The following SMOC2 variants were observed in gnomAD, a reference collection of about 807,000 sequenced individuals.
SMOC2 encodes SPARC related modular calcium binding 2.
Under a neutral mutation model 61.4 loss-of-function variants are expected in SMOC2, and 39 were observed. That is an observed-to-expected ratio of 0.64 (90% CI 0.49 to 0.83). The LOEUF is 0.83. Among genes scored for constraint, SMOC2 ranks in the 40% least tolerant of loss-of-function variants. The pLI is 0.00. For synonymous variants in SMOC2, 247 were observed against 239.9 expected (o/e 1.03, Z -0.27); for missense variants, 556 against 592.9 (o/e 0.94, Z 0.65).
At chr6:168,552,040 G>A (rs1435919111) in intron 7 of SMOC2, among the ~76,000 whole-genome samples, 7 of 152,292 alleles carry the variant, frequency 4.6e-5, no homozygotes, top group East Asian at 3.9e-4. Flanking sequence ...AGTGGAGCAC[G>A]AAAAGATGGC....
Position 168,527,741 on chromosome 6 carries a change from G to T in SMOC2, c.463+14G>T, listed in dbSNP as rs2115076654. 1.3e-6 allele frequency: 2 copies of T among 1,523,596 alleles called. No homozygotes were observed. The highest frequency in any genetic ancestry group is 1.8e-6 in the Non-Finnish European group (2 of 1,122,122). 94.4% of individuals were successfully genotyped at this position (1,523,596 alleles called of 1,614,324 possible). A position where few individuals can be genotyped will look rare whatever the true frequency, so the allele number is the denominator to read the frequency against. On this transcript the variant is annotated intron_variant, in intron 4 of 12. Coordinates refer to ENST00000356284, the MANE Select transcript of SMOC2 (RefSeq NM_001166412.2). ...CCCGGTGCCCGGGTAGGTCTGACGT[G>T]CCTTTCCAAGTGGAAGGCTTGAAGG... is the stretch of plus-strand genomic sequence containing the variant.
At chr6:168,507,587 C>T (rs1782904167) in intron 1 of SMOC2, among the ~76,000 whole-genome samples, 1 of 152,346 alleles carries the variant, frequency 6.6e-6, no homozygotes, top group East Asian at 1.9e-4. Flanking sequence ...GAGCTGCCTG[C>T]CCCCGGGGCG....
At chr6:168,507,538 C>T (rs1401727896) in intron 1 of SMOC2, among the ~76,000 whole-genome samples, 2 of 152,230 alleles carry the variant, frequency 1.3e-5, no homozygotes, top group Non-Finnish European at 2.9e-5. Flanking sequence ...GGGTGGAGGA[C>T]CTTCCCATGG....
chr6:168,504,191 A>C (rs1169431207), intron 1 of SMOC2, among the ~76,000 whole-genome samples: 1 of 151,880 alleles, frequency 6.6e-6, no homozygotes, highest in Non-Finnish European at 1.5e-5. Context: ...GCGGTCCCCA[A>C]CCTTTTCGGC....
At chr6:168,500,724 A>G (rs1344280106) in intron 1 of SMOC2, among the ~76,000 whole-genome samples, 2 of 152,306 alleles carry the variant, frequency 1.3e-5, no homozygotes, top group African/African-American at 2.4e-5. Flanking sequence ...GGTACCGTCC[A>G]TGGGCTCAGG....
chr6:168,597,829 T>A (rs1030308032), intron 7 of SMOC2, among the ~76,000 whole-genome samples: 2 of 152,044 alleles, frequency 1.3e-5, no homozygotes, highest in Non-Finnish European at 2.9e-5. Flanking sequence ...GCTACCGCTC[T>A]CCCCCCAGGT....
intron 7 of SMOC2, among the ~76,000 whole-genome samples, chr6:168,565,195 T>C (rs1211175548): frequency 1.3e-5 from 2 of 152,208 alleles, no homozygotes; most frequent in Non-Finnish European, 2.9e-5. Context: ...GGGCTTTCTT[T>C]AAAAATCAAA....
intron 1 of SMOC2, among the ~76,000 whole-genome samples, chr6:168,466,326 G>T (rs1413853841): frequency 1.3e-5 from 2 of 151,944 alleles, no homozygotes; most frequent in South Asian, 2.1e-4. Flanking sequence ...TGGAACTGGG[G>T]TGCTCTGGAT....
chr6:168,638,650 T>C (rs1786808778), intron 9 of SMOC2, among the ~76,000 whole-genome samples: 1 of 151,892 alleles, frequency 6.6e-6, no homozygotes, highest in Non-Finnish European at 1.5e-5. Flanking sequence ...TCCCGCGGAG[T>C]GGAGTCTTGC....
chr6:168,495,427 T>C (rs976199531), intron 1 of SMOC2, among the ~76,000 whole-genome samples: 33 of 152,210 alleles, frequency 2.2e-4, no homozygotes, highest in African/African-American at 8.0e-4. Flanking sequence ...CTCCAACATT[T>C]TCCTTGGGAA....
At chr6:168,448,382 A>C (rs1338461881) in intron 1 of SMOC2, among the ~76,000 whole-genome samples, 1 of 141,422 alleles carries the variant, frequency 7.1e-6, no homozygotes, top group South Asian at 2.5e-4. Context: ...GAGGATGGCA[A>C]TGGGGAGAAT....
At chr6:168,592,614 C>T (rs1451016671) in intron 7 of SMOC2, among the ~76,000 whole-genome samples, 2 of 142,464 alleles carry the variant, frequency 1.4e-5, no homozygotes, top group Non-Finnish European at 3.0e-5. Flanking sequence ...GCTCCTCCTC[C>T]TTCCTGAGGC....
chr6:168,600,454 T>C (rs1333690327), intron 8 of SMOC2, among the ~76,000 whole-genome samples: 1 of 141,440 alleles, frequency 7.1e-6, no homozygotes, highest in Non-Finnish European at 1.5e-5. Context: ...AACAGTAGTT[T>C]CAACTGTTGG....
chr6:168,635,981 C>T (rs1016036127), intron 9 of SMOC2, among the ~76,000 whole-genome samples: 1 of 152,014 alleles, frequency 6.6e-6, no homozygotes, highest in Non-Finnish European at 1.5e-5. Context: ...ACATTTTGCT[C>T]ACTAATTAAT....
intron 8 of SMOC2, among the ~76,000 whole-genome samples, chr6:168,604,204 GACA>G (rs1785629084): frequency 6.6e-6 from 1 of 152,208 alleles, no homozygotes; most frequent in African/African-American, 2.4e-5. Flanking sequence ...GTGCTCAGAG[GACA>G]CAGGAGCCCA....
intron 3 of SMOC2, 82 bp from the exon 4 acceptor site, chr6:168,527,546 C>T: frequency 9.9e-7 from 1 of 1,011,896 alleles, no homozygotes; most frequent in East Asian, 2.6e-5. Context: ...GCCACTGCCG[C>T]AGAAAGCAGA....
rs528920080 is a variant in SMOC2 at position 168,535,351 on chromosome 6, C to T, written c.463+7624C>T. 2.8e-3 allele frequency among the ~76,000 whole-genome samples: 432 copies of T among 152,244 alleles called. 1 individual carries two copies. Among genetic ancestry groups the T allele is most frequent in the Non-Finnish European group, 4.7e-3 (320 of 68,022 alleles). ...TTTTGGACAAATGCTAATTATTTTA[C>T]AGCACCTTTTTTCACTATATGCAGC... On this transcript the variant is annotated intron_variant, in intron 4 of 12. Transcript: ENST00000356284. The surrounding 1 kb of genome is among the most constrained non-coding windows in gnomAD (Gnocchi z 4.6).
chr6:168,519,026 TG>T (rs1426780597), intron 2 of SMOC2, among the ~76,000 whole-genome samples: 8 of 51,488 alleles, frequency 1.6e-4, no homozygotes, highest in Non-Finnish European at 2.8e-4. Context: ...CATGCGAACA[TG>T]TGTGTGTATG....
At chr6:168,552,859 C>T (rs1784159960) in intron 7 of SMOC2, among the ~76,000 whole-genome samples, 1 of 145,400 alleles carries the variant, frequency 6.9e-6, no homozygotes, top group Admixed American at 6.9e-5. Context: ...CACTCCAGGC[C>T]CCAGCAGAGA....
Sources: gnomAD v4.1 joint callset for allele counts (sites outside exome capture counted in the v4.1 genomes callset) on GRCh38, gnomAD v4.1.1 for gene constraint, Gnocchi (gnomAD v3.1) non-coding constraint, MANE v1.5 for transcripts, NCBI Gene and HGNC (gene_info 2026-07-23, HGNC 2026-07-21) for gene names.